NAALADL2: variants seen among roughly 807,000 people sequenced by gnomAD.
NAALADL2 encodes inactive N-acetylated-alpha-linked acidic dipeptidase-like protein 2.
NAALADL2 carries 76 observed loss-of-function variants against 87.2 expected under a neutral mutation model. That is an observed-to-expected ratio of 0.87 (90% CI 0.72 to 1.05). The LOEUF (loss-of-function observed/expected upper bound fraction) is 1.05, where lower values mean the gene tolerates loss of function less well. NAALADL2 is among the 50% of genes least tolerant of loss of function. NAALADL2 has a pLI of 0.00. For missense variants in NAALADL2, 1,089 were observed against 945.8 expected, an observed-to-expected ratio of 1.15 and a Z score of -1.99; for synonymous variants, 354 against 331.0, an observed-to-expected ratio of 1.07 and a Z score of -0.75.
intron 10 of NAALADL2, among the ~76,000 whole-genome samples, chr3:175,620,493 G>A (rs1239652750): frequency 6.6e-6 from 1 of 152,172 alleles, no homozygotes; most frequent in Admixed American, 6.5e-5. Context: ...GCCCCCAGAA[G>A]TTTTGCTGCT....
At chr3:174,798,157 A>G (rs898510798) in intron 3 of NAALADL2, among the ~76,000 whole-genome samples, 1 of 152,220 alleles carries the variant, frequency 6.6e-6, no homozygotes, top group Non-Finnish European at 1.5e-5. Context: ...TTAATTGACC[A>G]TAAATATATG....
intron 5 of NAALADL2, among the ~76,000 whole-genome samples, chr3:175,395,334 A>G (rs909162311): frequency 6.6e-6 from 1 of 152,158 alleles, no homozygotes; most frequent in African/African-American, 2.4e-5. Flanking sequence ...GCAGTTGATC[A>G]TGGGTAACTG....
At chr3:174,609,055 A>T (rs1423368668) in intron 2 of NAALADL2, among the ~76,000 whole-genome samples, 3 of 151,964 alleles carry the variant, frequency 2.0e-5, no homozygotes, top group African/African-American at 2.4e-5. Flanking sequence ...AGAACCAAAG[A>T]CAAAAACCAC....
At chr3:174,883,289 T>C (rs1352455803) in intron 1 of NAALADL2, among the ~76,000 whole-genome samples, 5 of 152,104 alleles carry the variant, frequency 3.3e-5, no homozygotes. Context: ...TATCGTTCAG[T>C]CCACTCAAGT....
At chr3:175,027,994 ACAAGTAAGGG>A (rs1752408749) in intron 1 of NAALADL2, among the ~76,000 whole-genome samples, 2 of 152,056 alleles carry the variant, frequency 1.3e-5, no homozygotes, top group African/African-American at 4.8e-5. Context: ...GCGAGTCAAT[ACAAGTAAGGG>A]CATTTTTAGC....
intron 5 of NAALADL2, among the ~76,000 whole-genome samples, chr3:175,347,982 A>G (rs1763330994): frequency 6.6e-6 from 1 of 151,952 alleles, no homozygotes; most frequent in Non-Finnish European, 1.5e-5. Context: ...GAGAACATGC[A>G]GTGTTTGGTT....
chr3:175,512,162 T>C (rs1363264229), intron 9 of NAALADL2, among the ~76,000 whole-genome samples: 2 of 152,170 alleles, frequency 1.3e-5, no homozygotes, highest in Admixed American at 1.3e-4. Context: ...GAGGATTAAT[T>C]GAGCCCTGGA....
At chr3:175,219,351 A>G (rs140009088) in intron 2 of NAALADL2, among the ~76,000 whole-genome samples, 221 of 152,134 alleles carry the variant, frequency 1.5e-3, no homozygotes, top group African/African-American at 5.0e-3. Flanking sequence ...TTTCTGGGAG[A>G]CCACCTTAAA....
chr3:175,314,175 C>T (rs1461013697), intron 4 of NAALADL2, among the ~76,000 whole-genome samples: 3 of 151,696 alleles, frequency 2.0e-5, no homozygotes, highest in Non-Finnish European at 4.4e-5. Flanking sequence ...GTGTCCTGCC[C>T]ATATATTGCT....
At chr3:175,754,729 C>A (rs1747036970) in intron 12 of NAALADL2, among the ~76,000 whole-genome samples, 1 of 152,154 alleles carries the variant, frequency 6.6e-6, no homozygotes, top group South Asian at 2.1e-4. Context: ...ACTTCTAATT[C>A]TGTCCTGTTA....
intron 1 of NAALADL2, among the ~76,000 whole-genome samples, chr3:174,962,115 G>C (rs1370788650): frequency 1.3e-5 from 2 of 151,710 alleles, no homozygotes; most frequent in Non-Finnish European, 2.9e-5. Context: ...GTCATGAGTA[G>C]CCCTATGGAG....
At chr3:174,807,348 G>A (rs1239558672) in intron 3 of NAALADL2, among the ~76,000 whole-genome samples, 1 of 152,062 alleles carries the variant, frequency 6.6e-6, no homozygotes, top group Non-Finnish European at 1.5e-5. Context: ...ACTTACATTT[G>A]TTAGTAAAAT....
At chr3:174,609,306 C>A (rs1266541922) in intron 2 of NAALADL2, among the ~76,000 whole-genome samples, 2 of 152,208 alleles carry the variant, frequency 1.3e-5, no homozygotes, top group African/African-American at 4.8e-5. Flanking sequence ...GTTGGAAGTT[C>A]TGGCCAGGGC....
intron 2 of NAALADL2, among the ~76,000 whole-genome samples, chr3:174,616,825 C>T (rs1515602): frequency 0.42 from 64,144 of 151,470 alleles, 14,490 homozygotes; most frequent in East Asian, 0.81. Flanking sequence ...AGAAATATAT[C>T]TGGTTTCTAT....
At chr3:175,604,271 A>G (rs529253094) in intron 10 of NAALADL2, among the ~76,000 whole-genome samples, 1 of 142,142 alleles carries the variant, frequency 7.0e-6, no homozygotes, top group Non-Finnish European at 1.5e-5. Context: ...ATCTCATTGT[A>G]GTTTCTTTTT....
intron 10 of NAALADL2, among the ~76,000 whole-genome samples, chr3:175,606,779 C>G (rs937852026): frequency 6.6e-6 from 1 of 152,090 alleles, no homozygotes; most frequent in African/African-American, 2.4e-5. Context: ...TCTTAGTTTT[C>G]TAGCTGAAGT....
At chr3:175,177,407 C>T (rs1160262536) in intron 2 of NAALADL2, among the ~76,000 whole-genome samples, 1 of 151,984 alleles carries the variant, frequency 6.6e-6, no homozygotes, top group East Asian at 1.9e-4. Context: ...GATTTTAATT[C>T]ACATCTATGG....
intron 1 of NAALADL2, among the ~76,000 whole-genome samples, chr3:174,862,708 A>T (rs1162454794): frequency 6.6e-6 from 1 of 152,162 alleles, no homozygotes; most frequent in African/African-American, 2.4e-5. Flanking sequence ...TTGAATAAAA[A>T]GTATTTCTGA....
chr3:174,941,564 C>T (rs1001213848), intron 1 of NAALADL2, among the ~76,000 whole-genome samples: 2 of 151,906 alleles, frequency 1.3e-5, no homozygotes, highest in Admixed American at 1.3e-4. Context: ...TAATTTTCTG[C>T]CTTGACAATC....
Sources: gnomAD v4.1 joint callset for allele counts (sites outside exome capture counted in the v4.1 genomes callset) on GRCh38, gnomAD v4.1.1 for gene constraint, MANE v1.5 for transcripts, NCBI Gene and HGNC (gene_info 2026-07-23, HGNC 2026-07-21) for gene names.